PBX3: variants seen among roughly 807,000 people sequenced by gnomAD.
PBX3 encodes pre-B-cell leukemia transcription factor 3.
Under a neutral mutation model 48.5 loss-of-function variants are expected in PBX3, and 14 were observed. The observed-to-expected ratio is 0.29, with a 90% CI of 0.19 to 0.45. The LOEUF is 0.45. Among genes scored for constraint, PBX3 ranks in the 20% least tolerant of loss-of-function variants. PBX3 has a pLI of 1.00. For missense variants in PBX3, 386 were observed against 546.7 expected (o/e 0.71, Z 2.93); for synonymous variants, 210 against 200.3 (o/e 1.05, Z -0.41).
At chr9:125,751,948 G>A (rs925316418) in intron 2 of PBX3, among the ~76,000 whole-genome samples, 4 of 151,790 alleles carry the variant, frequency 2.6e-5, no homozygotes, top group African/African-American at 9.7e-5. Context: ...TTAATTGTGC[G>A]AGTTTAAGTG....
intron 2 of PBX3, among the ~76,000 whole-genome samples, chr9:125,851,373 A>G (rs1160959575): frequency 6.6e-6 from 1 of 152,138 alleles, no homozygotes; most frequent in Non-Finnish European, 1.5e-5. Context: ...AGGTATTAAG[A>G]AAGATCGACA....
At chr9:125,786,766 C>T (rs1210197001) in intron 2 of PBX3, among the ~76,000 whole-genome samples, 1 of 151,634 alleles carries the variant, frequency 6.6e-6, no homozygotes, top group Non-Finnish European at 1.5e-5. Context: ...GCTCTGTCAC[C>T]CAGACTGGAG....
At chr9:125,801,108 A>G (rs896807526) in intron 2 of PBX3, among the ~76,000 whole-genome samples, 1 of 152,218 alleles carries the variant, frequency 6.6e-6, no homozygotes, top group Non-Finnish European at 1.5e-5. Flanking sequence ...TATGCTAGAC[A>G]TTCAATGAAT....
At position 125,906,117 on chromosome 9, in the gene PBX3, T is replaced by C. The variant is rs1433306161; in HGVS notation, c.275-9569T>C. Among the ~76,000 whole-genome samples, 3 of 152,162 alleles carry C rather than the reference T, an allele frequency of 2.0e-5. No homozygotes were observed. The South Asian group carries it at 6.2e-4, about 32-fold the overall frequency. On this transcript the variant is annotated intron_variant, in intron 2 of 8. Coordinates refer to ENST00000373489, the MANE Select transcript of PBX3 (RefSeq NM_006195.6). ...ATTTTTAGTCATTAATTAGATGCTGTATTTATATTAAAGAGTCAGCACACT... is the reference window on the plus strand; with the variant it reads ...ATTTTTAGTCATTAATTAGATGCTGCATTTATATTAAAGAGTCAGCACACT...
chr9:125,895,062 G>A (rs56926369), intron 2 of PBX3, among the ~76,000 whole-genome samples: 3,048 of 152,102 alleles, frequency 0.02, 172 homozygotes, highest in East Asian at 0.17. Flanking sequence ...TCACTGGGTT[G>A]GGATTCATCA....
At chr9:125,752,883 C>G (rs931082416) in intron 2 of PBX3, among the ~76,000 whole-genome samples, 1 of 152,184 alleles carries the variant, frequency 6.6e-6, no homozygotes, top group African/African-American at 2.4e-5. Context: ...AACAAATGCA[C>G]TGTTCCATAC....
chr9:125,841,369 G>T (rs1839285767), intron 2 of PBX3, among the ~76,000 whole-genome samples: 1 of 152,162 alleles, frequency 6.6e-6, no homozygotes, highest in Non-Finnish European at 1.5e-5. Flanking sequence ...TGTGGGTGTA[G>T]GAGAAATGTT....
intron 2 of PBX3, chr9:125,844,850 A>T (rs1177717657): frequency 6.6e-6 from 1 of 152,138 alleles, no homozygotes; most frequent in African/African-American, 2.4e-5. Flanking sequence ...AAGGTCGGCC[A>T]TGTGAACATC....
intron 2 of PBX3, among the ~76,000 whole-genome samples, chr9:125,900,859 C>A (rs1257914934): frequency 7.1e-6 from 1 of 140,720 alleles, no homozygotes; most frequent in Non-Finnish European, 1.5e-5. Context: ...ATGTGGGGGT[C>A]TTCTTCTTTC....
At chr9:125,855,278 T>G (rs1405202092) in intron 2 of PBX3, among the ~76,000 whole-genome samples, 2 of 152,168 alleles carry the variant, frequency 1.3e-5, no homozygotes, top group Non-Finnish European at 2.9e-5. Flanking sequence ...TTTTATAGAT[T>G]GAGTTTAGGA....
intron 2 of PBX3, among the ~76,000 whole-genome samples, chr9:125,857,716 A>T (rs1022180508): frequency 2.6e-5 from 4 of 152,234 alleles, no homozygotes; most frequent in African/African-American, 9.6e-5. Flanking sequence ...TTTATTATAT[A>T]GCTATAACAT....
At chr9:125,823,410 A>G (rs1270601810) in intron 2 of PBX3, among the ~76,000 whole-genome samples, 1 of 152,252 alleles carries the variant, frequency 6.6e-6, no homozygotes, top group East Asian at 1.9e-4. Context: ...AAGTATTACC[A>G]TAGCAACAGT....
chr9:125,835,051 A>AAAAAG (rs1564681272), intron 2 of PBX3, among the ~76,000 whole-genome samples: 2 of 108,002 alleles, frequency 1.9e-5, no homozygotes, highest in African/African-American at 7.6e-5. Flanking sequence ...AAAAAAAAAA[A>AAAAAG]GGGCAAAAGA....
rs574415120 is a variant in PBX3 at position 125,848,151 on chromosome 9, T to C, written c.275-67535T>C. ...AACAGATCTCTCTGGAGAACCAGTT[T>C]AGAGAACAAATCTCTAGTTTGGCAT... On this transcript the variant is annotated intron_variant, in intron 2 of 8. Transcript: ENST00000373489. Among the ~76,000 whole-genome samples the C allele has an allele frequency of 2.6e-5, 4 of 152,140 alleles. No homozygotes were observed. In the East Asian group the frequency reaches 7.7e-4, roughly 29 times the overall value.
intron 5 of PBX3, among the ~76,000 whole-genome samples, chr9:125,942,076 T>A (rs1375472881): frequency 6.6e-6 from 1 of 152,252 alleles, no homozygotes; most frequent in Non-Finnish European, 1.5e-5. Flanking sequence ...AAATAAGACC[T>A]GCTTTTATAA....
chr9:125,949,016 C>T (rs1417838526), intron 5 of PBX3, among the ~76,000 whole-genome samples: 4 of 152,152 alleles, frequency 2.6e-5, no homozygotes, highest in Non-Finnish European at 5.9e-5. Context: ...ATCTTCCTGC[C>T]TCTCAAAGTG....
intron 2 of PBX3, among the ~76,000 whole-genome samples, chr9:125,885,655 G>C (rs1840482183): frequency 6.6e-6 from 1 of 152,088 alleles, no homozygotes; most frequent in Non-Finnish European, 1.5e-5. Context: ...TTAGAAGAGA[G>C]AATGTTCTCC....
chr9:125,893,320 G>A (rs1840694879), intron 2 of PBX3, among the ~76,000 whole-genome samples: 1 of 152,116 alleles, frequency 6.6e-6, no homozygotes, highest in East Asian at 1.9e-4. Flanking sequence ...TTTTAAAATC[G>A]AGACTTTAAT....
intron 5 of PBX3, among the ~76,000 whole-genome samples, chr9:125,944,210 C>T (rs1842021428): frequency 6.6e-6 from 1 of 152,198 alleles, no homozygotes; most frequent in African/African-American, 2.4e-5. Context: ...TTGGGCTTTC[C>T]TTGTTTCTTC....
Sources: allele counts gnomAD v4.1 joint callset (sites outside exome capture counted in the v4.1 genomes callset), GRCh38; gene constraint gnomAD v4.1.1; transcripts MANE v1.5; gene names NCBI Gene and HGNC (gene_info 2026-07-23, HGNC 2026-07-21).